Variants in SIAH3 observed in about 807,000 individuals in gnomAD.
The protein encoded by SIAH3 is siah E3 ubiquitin protein ligase family member 3, also known as seven in absentia homolog 3.
In SIAH3, 9 loss-of-function variants were observed where a neutral mutation model predicts 12.6. The observed-to-expected ratio is 0.72, with a 90% CI of 0.43 to 1.25. SIAH3 has a LOEUF of 1.25. Ranked by LOEUF, SIAH3 falls within the 50% of genes most tolerant of loss-of-function variation. The pLI, the probability that SIAH3 is intolerant of heterozygous loss-of-function variation, is 0.00. For synonymous variants in SIAH3, 154 were observed against 151.1 expected (o/e 1.02, Z -0.14); for missense variants, 390 against 365.4 (o/e 1.07, Z -0.55).
In SIAH3 at chr13:45,779,184, C is replaced by T. The variant is rs1431377915; in HGVS notation, c.*4199G>A. On this transcript the variant is annotated 3_prime_UTR_variant, in exon 2 of 2. Coordinates refer to ENST00000400405, the MANE Select transcript of SIAH3 (RefSeq NM_198849.3). Reference sequence around the variant, plus strand: ...CAGATGTGATAGATGTAAATAACCCCAGGAGCATAGAGAATAAAAAGAGTA... The same window carrying T: ...CAGATGTGATAGATGTAAATAACCCTAGGAGCATAGAGAATAAAAAGAGTA... 1 of 152,068 alleles carries T rather than the reference C, an allele frequency of 6.6e-6. No homozygotes were observed. Among genetic ancestry groups the T allele is most frequent in the Non-Finnish European group, 1.5e-5 (1 of 68,016 alleles). The allele number at this position is 152,068 out of a possible 1,614,324, so 9.4% of individuals were successfully genotyped here.
At chr13:45,802,030 C>T (rs1341058394) in intron 1 of SIAH3, among the ~76,000 whole-genome samples, 5 of 152,158 alleles carry the variant, frequency 3.3e-5, no homozygotes, top group Non-Finnish European at 4.4e-5. Context: ...TGGGGCCGGG[C>T]GTGGTGGCTC....
At chr13:45,797,287 G>A (rs1490427737) in intron 1 of SIAH3, among the ~76,000 whole-genome samples, 1 of 152,048 alleles carries the variant, frequency 6.6e-6, no homozygotes, top group African/African-American at 2.4e-5. Flanking sequence ...AGGAGATTAA[G>A]TCCCCAGGCT....
intron 1 of SIAH3, among the ~76,000 whole-genome samples, chr13:45,799,321 A>G (rs1950573497): frequency 6.6e-6 from 1 of 152,206 alleles, no homozygotes; most frequent in Non-Finnish European, 1.5e-5. Flanking sequence ...TTCCATGTCT[A>G]TAGAATAAGA....
Position 45,838,565 on chromosome 13 carries a change from G to A in SIAH3, c.135+12930C>T, listed in dbSNP as rs574599102. On this transcript the variant is annotated intron_variant, in intron 1 of 1. Transcript: ENST00000400405. ...GCCCCAAGTGCCCCCAGGCCACCAC[G>A]CTGGGGGGCACTGTGACAAGCAGAC... Among the ~76,000 whole-genome samples, 6 of 152,236 alleles carry A rather than the reference G, an allele frequency of 3.9e-5. No homozygotes were observed. The East Asian group carries it at 1.2e-3, about 29-fold the overall frequency.
At position 45,840,386 on chromosome 13, in the gene SIAH3, T is replaced by C. The variant is rs1330880409; in HGVS notation, c.135+11109A>G. ...CTGGAAATAGACTAATGAATTATCC[T>C]GAGGATTTTTTAAAAGGCAATTCAG... On this transcript the variant is annotated intron_variant, in intron 1 of 1. Coordinates refer to ENST00000400405, the MANE Select transcript of SIAH3 (RefSeq NM_198849.3). Among the ~76,000 whole-genome samples, 3 of 152,248 alleles carry C rather than the reference T, an allele frequency of 2.0e-5. No homozygotes were observed. The South Asian group carries it at 6.2e-4, about 31-fold the overall frequency.
intron 1 of SIAH3, among the ~76,000 whole-genome samples, chr13:45,787,246 G>C (rs1566086599): frequency 6.6e-6 from 1 of 152,182 alleles, no homozygotes; most frequent in Non-Finnish European, 1.5e-5. Flanking sequence ...ATGCTGATTT[G>C]AACAGGCTGG....
intron 1 of SIAH3, among the ~76,000 whole-genome samples, chr13:45,797,761 C>T (rs1035488614): frequency 2.6e-5 from 4 of 152,220 alleles, no homozygotes; most frequent in Admixed American, 6.5e-5. Context: ...TAGACCCACT[C>T]GTCCTTGCCC....
chr13:45,807,277 T>C (rs1364155439), intron 1 of SIAH3, among the ~76,000 whole-genome samples: 1 of 142,926 alleles, frequency 7.0e-6, no homozygotes, highest in Non-Finnish European at 1.5e-5. Context: ...ACCAGAATAC[T>C]AAAAAAAAAA....
intron 1 of SIAH3, among the ~76,000 whole-genome samples, chr13:45,792,662 A>C (rs535332026): frequency 6.6e-6 from 1 of 152,010 alleles, no homozygotes; most frequent in Non-Finnish European, 1.5e-5. Context: ...CTGGCCATGA[A>C]GGTATAATTA....
intron 1 of SIAH3, among the ~76,000 whole-genome samples, chr13:45,824,677 C>G (rs1431391877): frequency 8.2e-6 from 1 of 121,420 alleles, no homozygotes; most frequent in Non-Finnish European, 1.6e-5. Context: ...ACACATAGAG[C>G]CTGGCACACA....
intron 1 of SIAH3, among the ~76,000 whole-genome samples, chr13:45,802,858 G>C (rs1237437221): frequency 3.3e-5 from 5 of 152,206 alleles, no homozygotes; most frequent in Non-Finnish European, 4.4e-5. Context: ...GATCAACTGA[G>C]GTCAGGAGTT....
At chr13:45,794,165 T>C (rs1347910997) in intron 1 of SIAH3, among the ~76,000 whole-genome samples, 2 of 151,776 alleles carry the variant, frequency 1.3e-5, no homozygotes, top group Non-Finnish European at 2.9e-5. Flanking sequence ...TGATCTTGGC[T>C]CACTGCAACC....
At chr13:45,799,870 A>T (rs770878250) in intron 1 of SIAH3, among the ~76,000 whole-genome samples, 2 of 152,222 alleles carry the variant, frequency 1.3e-5, no homozygotes, top group Non-Finnish European at 2.9e-5. Context: ...TAAAGAGCAA[A>T]GCATAATTAG....
At chr13:45,833,287 G>A (rs1405290156) in intron 1 of SIAH3, among the ~76,000 whole-genome samples, 4 of 152,152 alleles carry the variant, frequency 2.6e-5, no homozygotes, top group Non-Finnish European at 5.9e-5. Context: ...CCATGATCCA[G>A]GTCTGACAAG....
chr13:45,806,547 T>C (rs1302238932), intron 1 of SIAH3, among the ~76,000 whole-genome samples: 3 of 152,030 alleles, frequency 2.0e-5, no homozygotes, highest in Non-Finnish European at 2.9e-5. Context: ...ATGGCACCAA[T>C]AGACATTGGG....
chr13:45,823,877 G>A (rs543833173), intron 1 of SIAH3, among the ~76,000 whole-genome samples: 1 of 152,284 alleles, frequency 6.6e-6, no homozygotes, highest in East Asian at 1.9e-4. Context: ...ATTACTTACT[G>A]GCTCTGAGCC....
chr13:45,826,629 A>G (rs1950678649), intron 1 of SIAH3, among the ~76,000 whole-genome samples: 1 of 152,096 alleles, frequency 6.6e-6, no homozygotes, highest in Admixed American at 6.5e-5. Context: ...AGCCTTCATC[A>G]CATGTTAATA....
At chr13:45,790,261 G>T (rs1421849372) in intron 1 of SIAH3, among the ~76,000 whole-genome samples, 1 of 152,190 alleles carries the variant, frequency 6.6e-6, no homozygotes, top group Non-Finnish European at 1.5e-5. Context: ...AGCTAGAAAA[G>T]AGGCTAATAG....
chr13:45,843,587 C>T (rs2137584697), intron 1 of SIAH3, among the ~76,000 whole-genome samples: 1 of 152,282 alleles, frequency 6.6e-6, no homozygotes, highest in South Asian at 2.1e-4. Flanking sequence ...TGAGACCCAG[C>T]CTGTCTTCCA....
Sources: gnomAD v4.1 joint callset for allele counts (sites outside exome capture counted in the v4.1 genomes callset) on GRCh38, gnomAD v4.1.1 for gene constraint, MANE v1.5 for transcripts, NCBI Gene and HGNC (gene_info 2026-07-23, HGNC 2026-07-21) for gene names.